The following NKAIN3 variants were observed in gnomAD, a reference collection of about 807,000 sequenced individuals.
The protein encoded by NKAIN3 is sodium/potassium transporting ATPase interacting 3.
Under a neutral mutation model 30.2 loss-of-function variants are expected in NKAIN3, and 25 were observed. That is an observed-to-expected ratio of 0.83 (90% CI 0.60 to 1.16). NKAIN3 has a LOEUF of 1.16. Among genes scored for constraint, NKAIN3 ranks in the 50% most tolerant of loss-of-function variants. The pLI, the probability that NKAIN3 is intolerant of heterozygous loss-of-function variation, is 0.00. For synonymous variants in NKAIN3, 91 were observed against 89.6 expected (o/e 1.02, Z -0.09); for missense variants, 225 against 254.1 (o/e 0.89, Z 0.78).
intron 1 of NKAIN3, among the ~76,000 whole-genome samples, chr8:62,455,897 A>T (rs1334967937): frequency 6.6e-6 from 1 of 152,162 alleles, no homozygotes; most frequent in Non-Finnish European, 1.5e-5. Flanking sequence ...CCCCCAGTGG[A>T]TACATGAAAC....
rs141185332 is a variant in NKAIN3, at chr8:62,752,190, G to A, written c.471+5061G>A. 1.3e-4 allele frequency among the ~76,000 whole-genome samples: 20 copies of A among 152,262 alleles called. No individual in the cohort carries two copies. The East Asian group carries it at 3.5e-3, about 26-fold the overall frequency. ...CCAGAGTGAAGATGCCCTTCATCTG[G>A]GAAGTTAAGAGAATGTCAGTAAAAT... is the stretch of plus-strand genomic sequence containing the variant. On this transcript the variant is annotated intron_variant, in intron 4 of 6. Transcript: ENST00000623646.
At chr8:62,477,353 A>AAC (rs990238145) in intron 1 of NKAIN3, among the ~76,000 whole-genome samples, 10 of 151,916 alleles carry the variant, frequency 6.6e-5, no homozygotes, top group Admixed American at 6.6e-4. Flanking sequence ...AGTAAAAAAA[A>AAC]ATGTGAAACT....
intron 1 of NKAIN3, among the ~76,000 whole-genome samples, chr8:62,407,160 GA>G (rs1025237168): frequency 1.3e-5 from 2 of 150,818 alleles, no homozygotes; most frequent in East Asian, 3.9e-4. Flanking sequence ...TATTAACAAA[GA>G]AAAAAACTCA....
intron 4 of NKAIN3, among the ~76,000 whole-genome samples, chr8:62,845,858 G>A (rs1198778928): frequency 6.6e-6 from 1 of 152,068 alleles, no homozygotes; most frequent in Non-Finnish European, 1.5e-5. Flanking sequence ...CAAACTGCTA[G>A]CAGATTCAAA....
At chr8:62,833,512 A>G (rs1392420630) in intron 4 of NKAIN3, among the ~76,000 whole-genome samples, 1 of 152,132 alleles carries the variant, frequency 6.6e-6, no homozygotes, top group Non-Finnish European at 1.5e-5. Flanking sequence ...AATCCCACAG[A>G]AATATACAAA....
intron 1 of NKAIN3, among the ~76,000 whole-genome samples, chr8:62,534,836 A>G: frequency 6.6e-6 from 1 of 150,474 alleles, no homozygotes; most frequent in African/African-American, 2.4e-5. Context: ...TTCATGGTAA[A>G]AATGTAAAAA....
chr8:62,891,903 T>A (rs1821307512), intron 4 of NKAIN3, among the ~76,000 whole-genome samples: 1 of 152,100 alleles, frequency 6.6e-6, no homozygotes. Context: ...ACTAGCTGAA[T>A]GATGAGACTA....
chr8:62,814,957 G>T (rs1183089212), intron 4 of NKAIN3, among the ~76,000 whole-genome samples: 3 of 151,940 alleles, frequency 2.0e-5, no homozygotes, highest in Non-Finnish European at 4.4e-5. Context: ...TTTTTTGAAA[G>T]GATCAACAAA....
At chr8:62,613,808 A>T (rs1811362905) in intron 3 of NKAIN3, among the ~76,000 whole-genome samples, 1 of 152,070 alleles carries the variant, frequency 6.6e-6, no homozygotes, top group African/African-American at 2.4e-5. Context: ...AAGGAATCTG[A>T]TGCATTCTTT....
intron 1 of NKAIN3, among the ~76,000 whole-genome samples, chr8:62,561,991 A>G (rs984018281): frequency 6.6e-6 from 1 of 152,154 alleles, no homozygotes; most frequent in Admixed American, 6.6e-5. Context: ...TCTTCCTGGA[A>G]GCAAGAATGA....
intron 1 of NKAIN3, among the ~76,000 whole-genome samples, chr8:62,521,661 G>A (rs1001688188): frequency 6.6e-6 from 1 of 152,134 alleles, no homozygotes; most frequent in Non-Finnish European, 1.5e-5. Flanking sequence ...GACAAAAAGA[G>A]CATCTTGGAT....
chr8:62,523,606 A>G (rs1808218498), intron 1 of NKAIN3, among the ~76,000 whole-genome samples: 1 of 152,108 alleles, frequency 6.6e-6, no homozygotes, highest in African/African-American at 2.4e-5. Context: ...TTAGGACTGG[A>G]ATATGTTTTT....
At chr8:62,834,270 C>T (rs923539401) in intron 4 of NKAIN3, among the ~76,000 whole-genome samples, 7 of 151,976 alleles carry the variant, frequency 4.6e-5, no homozygotes, top group East Asian at 1.9e-4. Flanking sequence ...AGGAAGAAAA[C>T]AAAAATGCCC....
At chr8:62,910,033 A>G (rs1192177925) in intron 4 of NKAIN3, among the ~76,000 whole-genome samples, 1 of 152,140 alleles carries the variant, frequency 6.6e-6, no homozygotes, top group African/African-American at 2.4e-5. Flanking sequence ...GCATTCCTAC[A>G]TTTATCAGTA....
intron 4 of NKAIN3, among the ~76,000 whole-genome samples, chr8:62,834,381 A>C (rs190930493): frequency 6.6e-6 from 1 of 152,242 alleles, no homozygotes; most frequent in African/African-American, 2.4e-5. Flanking sequence ...AGAAGAATTC[A>C]AACTACTTCT....
chr8:62,798,188 T>C (rs1006095378), intron 4 of NKAIN3, among the ~76,000 whole-genome samples: 1 of 152,164 alleles, frequency 6.6e-6, no homozygotes, highest in African/African-American at 2.4e-5. Flanking sequence ...TTGCAGCACC[T>C]TGCAGAGTTT....
chr8:62,938,040 A>G (rs1455955410), intron 5 of NKAIN3, among the ~76,000 whole-genome samples: 1 of 152,050 alleles, frequency 6.6e-6, no homozygotes. Context: ...CACAGCAGCC[A>G]TGGAAAGGCC....
chr8:62,659,906 A>G (rs1812889079), intron 3 of NKAIN3, among the ~76,000 whole-genome samples: 1 of 152,172 alleles, frequency 6.6e-6, no homozygotes, highest in Non-Finnish European at 1.5e-5. Context: ...GAGGCCATCC[A>G]TGTAAGACAT....
intron 3 of NKAIN3, among the ~76,000 whole-genome samples, chr8:62,687,302 A>G (rs1813829097): frequency 6.6e-6 from 1 of 152,242 alleles, no homozygotes; most frequent in African/African-American, 2.4e-5. Context: ...TTATTTGGTT[A>G]GTCTTCAGGC....
Sources: allele counts gnomAD v4.1 joint callset (sites outside exome capture counted in the v4.1 genomes callset), GRCh38; gene constraint gnomAD v4.1.1; transcripts MANE v1.5; gene names NCBI Gene and HGNC (gene_info 2026-07-23, HGNC 2026-07-21).